Variants in VMP1 observed in about 807,000 individuals in gnomAD.
VMP1 encodes the protein ectopic P-granules autophagy protein 3 homolog.
VMP1 carries 11 observed loss-of-function variants against 56.0 expected under a neutral mutation model. That is an observed-to-expected ratio of 0.20 (90% confidence interval 0.12 to 0.32). VMP1 has a LOEUF of 0.32. VMP1 is among the 10% of genes least tolerant of loss of function. The pLI, the probability that VMP1 is intolerant of heterozygous loss-of-function variation, is 1.00. For missense variants in VMP1, 296 were observed against 490.3 expected (o/e 0.60, Z 3.74); for synonymous variants, 149 against 165.0 (o/e 0.90, Z 0.74).
At chr17:59,730,631 A>G (rs992028890) in intron 1 of VMP1, among the ~76,000 whole-genome samples, 5 of 152,206 alleles carry the variant, frequency 3.3e-5, no homozygotes, top group African/African-American at 1.2e-4. Context: ...CATTTATTGT[A>G]TTAAGGACTC....
chr17:59,841,356 G>C lies in VMP1; in HGVS notation c.*1445G>C, dbSNP rs2039151096. On this transcript the variant is annotated 3_prime_UTR_variant, in exon 12 of 12. Coordinates refer to ENST00000262291, the MANE Select transcript of VMP1 (RefSeq NM_030938.5). ...TCTGACATTTTGGTATCTTTCATCT[G>C]ACCATCCATATCCAATGTTCTCATT... 1 of 501,454 alleles carries C rather than the reference G, an allele frequency of 2.0e-6. No individual in the cohort carries two copies. 31.1% of individuals were successfully genotyped at this position (501,454 alleles called of 1,614,324 possible). A position where few individuals can be genotyped will look rare whatever the true frequency, so the allele number is the denominator to read the frequency against.
At chr17:59,769,568 A>G (rs1221255435) in intron 6 of VMP1, among the ~76,000 whole-genome samples, 2 of 152,178 alleles carry the variant, frequency 1.3e-5, no homozygotes, top group Non-Finnish European at 2.9e-5. Context: ...TAAAATTAGC[A>G]CTCCAAGAAG....
At chr17:59,736,405 A>G (rs1289216352) in intron 3 of VMP1, among the ~76,000 whole-genome samples, 1 of 148,276 alleles carries the variant, frequency 6.7e-6, no homozygotes, top group Non-Finnish European at 1.5e-5. Flanking sequence ...TCTGTCTCAA[A>G]AAAAAAAAAA....
At chr17:59,764,372 A>G (rs2036160675) in intron 5 of VMP1, among the ~76,000 whole-genome samples, 2 of 152,192 alleles carry the variant, frequency 1.3e-5, no homozygotes, top group Admixed American at 1.3e-4. Flanking sequence ...TCCGTTGTCC[A>G]GACTGGAGTG....
intron 9 of VMP1, among the ~76,000 whole-genome samples, chr17:59,815,674 A>G (rs2038201392): frequency 7.0e-6 from 1 of 143,034 alleles, no homozygotes. Flanking sequence ...TAACACGGTG[A>G]AACCCCGTCT....
intron 1 of VMP1, among the ~76,000 whole-genome samples, chr17:59,710,752 T>C (rs776669374): frequency 3.3e-5 from 5 of 152,170 alleles, no homozygotes; most frequent in Non-Finnish European, 7.4e-5. Flanking sequence ...AACACGTGTC[T>C]ACTGTGAATG....
chr17:59,797,931 G>A (rs2665405), intron 7 of VMP1, among the ~76,000 whole-genome samples: 61,321 of 152,046 alleles, frequency 0.4, 14,964 homozygotes, highest in Non-Finnish European at 0.54. Flanking sequence ...TCAAAAATAG[G>A]AAAAGCTAAA....
At chr17:59,817,395 A>G (rs1190107662) in intron 9 of VMP1, among the ~76,000 whole-genome samples, 2 of 147,690 alleles carry the variant, frequency 1.4e-5, no homozygotes, top group Admixed American at 6.9e-5. Flanking sequence ...CTCTGTCATC[A>G]GGCTGGAGTG....
intron 6 of VMP1, among the ~76,000 whole-genome samples, chr17:59,765,375 G>T (rs6503940): frequency 0.15 from 22,927 of 152,156 alleles, 2,183 homozygotes; most frequent in African/African-American, 0.27. Context: ...GTAGACTCCA[G>T]CAGGGCAAGG....
chr17:59,827,085 TA>T (rs1356961927), intron 10 of VMP1, among the ~76,000 whole-genome samples: 1 of 152,246 alleles, frequency 6.6e-6, no homozygotes, highest in African/African-American at 2.4e-5. Context: ...AGCATCCTTC[TA>T]GATAGAGTTC....
chr17:59,737,724 G>A (rs1366420971), intron 4 of VMP1, among the ~76,000 whole-genome samples, 181 bp downstream of exon 4: 4 of 151,956 alleles, frequency 2.6e-5, no homozygotes, highest in Admixed American at 2.0e-4. Context: ...ATGTTTTATG[G>A]CTGCTGAGGA....
chr17:59,790,201 C>T (rs376277085), intron 7 of VMP1, among the ~76,000 whole-genome samples: 1 of 152,124 alleles, frequency 6.6e-6, no homozygotes. Flanking sequence ...GAGTCTCCTT[C>T]CCATTTTTGC....
chr17:59,766,790 C>CT (rs1008895977), intron 6 of VMP1, among the ~76,000 whole-genome samples: 409 of 148,340 alleles, frequency 2.8e-3, no homozygotes, highest in Non-Finnish European at 4.3e-3. Flanking sequence ...TTTTTTTTTG[C>CT]TTTTTTTTTG....
At chr17:59,821,840 G>A (rs1197883806) in intron 10 of VMP1, among the ~76,000 whole-genome samples, 1 of 150,094 alleles carries the variant, frequency 6.7e-6, no homozygotes, top group Non-Finnish European at 1.5e-5. Flanking sequence ...GTGAGCCACT[G>A]CACCTGGCCT....
At chr17:59,824,901 A>G (rs554704368) in intron 10 of VMP1, among the ~76,000 whole-genome samples, 2 of 144,392 alleles carry the variant, frequency 1.4e-5, no homozygotes, top group African/African-American at 5.1e-5. Flanking sequence ...AAAATTGGCT[A>G]GGCATGGTGG....
chr17:59,812,814 C>T (rs1358295728), intron 9 of VMP1, among the ~76,000 whole-genome samples: 1 of 152,082 alleles, frequency 6.6e-6, no homozygotes, highest in Non-Finnish European at 1.5e-5. Context: ...GCTTGTAATC[C>T]CAGCTACTTG....
Position 59,841,254 on chromosome 17 carries a change from G to T in VMP1, c.*1343G>T. 2.0e-6 allele frequency: 1 copy of T among 498,824 alleles called. No homozygotes were observed. Among genetic ancestry groups the T allele is most frequent in the Non-Finnish European group, 4.3e-6 (1 of 232,030 alleles). The allele number at this position is 498,824 out of a possible 1,614,324, so 30.9% of individuals were successfully genotyped here. A position where few individuals can be genotyped will look rare whatever the true frequency, so the allele number is the denominator to read the frequency against. ...TGCCTACCATCGTGACATCTCCATG[G>T]CTGTACCACCTTGTCGGGTAGCTTA... On this transcript the variant is annotated 3_prime_UTR_variant, in exon 12 of 12. Coordinates refer to ENST00000262291, the MANE Select transcript of VMP1 (RefSeq NM_030938.5).
intron 5 of VMP1, among the ~76,000 whole-genome samples, chr17:59,745,218 A>G (rs1312900805): frequency 6.6e-6 from 1 of 152,220 alleles, no homozygotes; most frequent in Non-Finnish European, 1.5e-5. Context: ...TTATTACGTC[A>G]TAATCTAACC....
At chr17:59,811,360 A>G (rs1255017664) in intron 8 of VMP1, among the ~76,000 whole-genome samples, 2 of 152,174 alleles carry the variant, frequency 1.3e-5, no homozygotes, top group Non-Finnish European at 2.9e-5. Context: ...CACTTACTTT[A>G]TCCAGTTCTC....
Sources: gnomAD v4.1 joint callset for allele counts (sites outside exome capture counted in the v4.1 genomes callset) on GRCh38, gnomAD v4.1.1 for gene constraint, MANE v1.5 for transcripts, NCBI Gene and HGNC (gene_info 2026-07-23, HGNC 2026-07-21) for gene names.